The following MEIG1 variants were observed in gnomAD, a reference collection of about 807,000 sequenced individuals.
MEIG1 encodes meiosis expressed gene 1 protein homolog.
A neutral mutation model predicts 11.3 loss-of-function variants in MEIG1; 12 were observed. That is an observed-to-expected ratio of 1.07 (90% CI 0.68 to 1.73). The LOEUF is 1.73. Among genes scored for constraint, MEIG1 ranks in the 40% most tolerant of loss-of-function variants. The pLI is 0.00. For missense variants in MEIG1, 119 were observed against 104.9 expected, an observed-to-expected ratio of 1.13 and a Z score of -0.59; for synonymous variants, 41 against 33.2, an observed-to-expected ratio of 1.24 and a Z score of -0.81.
At chr10:14,983,261 T>C (rs1843283420) in intron 1 of MEIG1, among the ~76,000 whole-genome samples, 1 of 152,122 alleles carries the variant, frequency 6.6e-6, no homozygotes, top group Non-Finnish European at 1.5e-5. Flanking sequence ...ATATTCCTCC[T>C]AATATTCACG....
chr10:14,983,229 C>T (rs1843283111), intron 1 of MEIG1, among the ~76,000 whole-genome samples: 1 of 152,078 alleles, frequency 6.6e-6, no homozygotes, highest in Admixed American at 6.6e-5. Context: ...CAAGATAGCA[C>T]TGGGTGTGCA....
At chr10:14,954,916 C>G (rs1047397198), upstream of MEIG1, among the ~76,000 whole-genome samples, 4 of 152,104 alleles carry the variant, frequency 2.6e-5, no homozygotes, top group African/African-American at 9.7e-5. Context: ...CACAAACAAC[C>G]CAGAACACTT....
Position 14,972,590 on chromosome 10 carries a change from G to A in MEIG1, c.216G>A (p.Gln72=). 1.2e-6 allele frequency: 2 copies of A among 1,613,494 alleles called. No homozygotes were observed. The highest frequency in any genetic ancestry group is 1.7e-6 in the Non-Finnish European group (2 of 1,179,762). The part of the protein sequence containing the change: ...RDNTFYYYNK[Q]RECDDKEVHK... ...ATACGTTCTATTACTACAACAAACA[G>A]AGGGAATGTGATGACAAAGAAGTCC... The change falls in exon 3 of 3, where the codon CAG becomes CAA. Residue 72 remains glutamine (Q), a synonymous_variant. Transcript: ENST00000407572.
At chr10:14,988,034 A>T (rs1843335955) in exon 3 of MEIG1, 1 of 152,644 alleles carries the variant, frequency 6.6e-6, no homozygotes, top group African/African-American at 2.4e-5. Flanking sequence ...TCATAAAAGT[A>T]CATGCACACT....
intron 2 of MEIG1, 121 bp downstream of exon 2, chr10:14,966,727 G>A: frequency 3.1e-6 from 3 of 957,160 alleles, no homozygotes; most frequent in Non-Finnish European, 1.6e-6. Flanking sequence ...CATTTTATTT[G>A]TTTTCTTTTA....
At chr10:14,965,662 T>C (rs955713296) in intron 1 of MEIG1, among the ~76,000 whole-genome samples, 4 of 147,206 alleles carry the variant, frequency 2.7e-5, no homozygotes, top group Non-Finnish European at 4.4e-5. Flanking sequence ...AGACGGGTCT[T>C]ACATTCCCTT....
chr10:14,968,622 A>G (rs1843115064), intron 2 of MEIG1, among the ~76,000 whole-genome samples: 1 of 152,216 alleles, frequency 6.6e-6, no homozygotes, highest in Non-Finnish European at 1.5e-5. Flanking sequence ...TAACAATAGA[A>G]TTTAAAATAC....
downstream of MEIG1, among the ~76,000 whole-genome samples, chr10:14,973,169 G>A (rs556146455): frequency 5.9e-5 from 9 of 152,184 alleles, no homozygotes; most frequent in East Asian, 1.7e-3. Context: ...CCTGGCCTCT[G>A]TCCATAATAA....
At chr10:14,957,845 AC>A (rs1224539037), upstream of MEIG1, among the ~76,000 whole-genome samples, 1 of 152,012 alleles carries the variant, frequency 6.6e-6, no homozygotes, top group Non-Finnish European at 1.5e-5. Flanking sequence ...AAAGGGTTTC[AC>A]CATATTGGCC....
chr10:14,958,967 G>T (rs1046867743), upstream of MEIG1, among the ~76,000 whole-genome samples: 1 of 152,080 alleles, frequency 6.6e-6, no homozygotes, highest in African/African-American at 2.4e-5. Context: ...AGATAGTACT[G>T]TAATATAGTA....
upstream of MEIG1, among the ~76,000 whole-genome samples, chr10:14,956,202 G>A (rs1264426330): frequency 6.6e-6 from 1 of 152,190 alleles, no homozygotes; most frequent in African/African-American, 2.4e-5. Context: ...CTGGGAGAGT[G>A]GGGCCTGGCA....
At chr10:14,978,808 G>T (rs536033510) in intron 1 of MEIG1, among the ~76,000 whole-genome samples, 2 of 151,932 alleles carry the variant, frequency 1.3e-5, no homozygotes, top group East Asian at 1.9e-4. Context: ...ATGTCACAGA[G>T]TGTACACACC....
intron 1 of MEIG1, among the ~76,000 whole-genome samples, chr10:14,983,092 G>A (rs982262085): frequency 6.6e-6 from 1 of 152,022 alleles, no homozygotes; most frequent in African/African-American, 2.4e-5. Context: ...ACCCACCTGT[G>A]ATATTGCTCC....
At position 14,966,635 on chromosome 10, in the gene MEIG1, C is replaced by G. The variant is rs373530301; in HGVS notation, c.138+29C>G. On this transcript the variant is annotated intron_variant, in intron 2 of 2. Transcript: ENST00000407572. ...AGATTTCTGTCTCTACAAACCTCAACTCGAAATGTATTTCTCAGATGCTGA... is the reference window on the plus strand; with the variant it reads ...AGATTTCTGTCTCTACAAACCTCAAGTCGAAATGTATTTCTCAGATGCTGA... The G allele has an allele frequency of 5.2e-5, 82 of 1,588,664 alleles. 1 individual carries two copies. In the African/African-American group the frequency reaches 1.1e-3, roughly 21 times the overall value.
intron 1 of MEIG1, among the ~76,000 whole-genome samples, chr10:14,965,675 T>TGAGAGA (rs749211535): frequency 0.021 from 2,089 of 100,816 alleles, 39 homozygotes; most frequent in East Asian, 0.066. Context: ...ATTCCCTTTT[T>TGAGAGA]GAGAGAGAGA....
chr10:14,983,364 T>C (rs1843284402), intron 1 of MEIG1, among the ~76,000 whole-genome samples: 1 of 151,960 alleles, frequency 6.6e-6, no homozygotes, highest in Non-Finnish European at 1.5e-5. Flanking sequence ...GAGGGTGATA[T>C]TACTCGCAAT....
At position 14,978,040 on chromosome 10, in the gene MEIG1, C is replaced by T. The variant is rs548570654; in HGVS notation, n.66+5420C>T. The stretch of plus-strand genomic sequence containing the variant: ...TATTGTAATATTCTAGGGGGGTGTT[C>T]CTTTTAAAGTCACAGGGGTGTACAC... On this transcript the variant is annotated intron_variant and non_coding_transcript_variant, in intron 1 of 2. Transcript: ENST00000467536. Among the ~76,000 whole-genome samples the T allele has an allele frequency of 9.2e-5, 14 of 151,710 alleles. No individual in the cohort carries two copies. In the South Asian group the frequency reaches 2.9e-3, roughly 32 times the overall value.
downstream of MEIG1, among the ~76,000 whole-genome samples, chr10:14,975,831 A>G (rs898786615): frequency 2.0e-4 from 31 of 152,090 alleles, no homozygotes; most frequent in African/African-American, 6.8e-4. Context: ...TAATTTCAAC[A>G]TGGGAGAGGA....
downstream of MEIG1, among the ~76,000 whole-genome samples, chr10:14,973,391 T>C (rs1050658495): frequency 6.6e-6 from 1 of 152,302 alleles, no homozygotes. Flanking sequence ...CCTTTGCCTC[T>C]TGCTGGGCAA....
Sources: allele counts gnomAD v4.1 joint callset (sites outside exome capture counted in the v4.1 genomes callset), GRCh38; gene constraint gnomAD v4.1.1; transcripts MANE v1.5; gene names NCBI Gene and HGNC (gene_info 2026-07-23, HGNC 2026-07-21).